The following TMEM132C variants were observed in gnomAD, a reference collection of about 807,000 sequenced individuals.
The protein encoded by TMEM132C is transmembrane protein 132C.
Under a neutral mutation model 61.4 loss-of-function variants are expected in TMEM132C, and 29 were observed. The ratio of observed to expected loss-of-function variants is 0.47; its 90% CI spans 0.35 to 0.64. The LOEUF is 0.64. TMEM132C is among the 30% of genes least tolerant of loss of function. The pLI is 0.00. For synonymous variants in TMEM132C, 656 were observed against 633.1 expected, an observed-to-expected ratio of 1.04 and a Z score of -0.54; for missense variants, 1,408 against 1,476.9, an observed-to-expected ratio of 0.95 and a Z score of 0.76.
chr12:128,677,315 G>A (rs73430719), intron 5 of TMEM132C, among the ~76,000 whole-genome samples: 4,309 of 152,226 alleles, frequency 0.028, 215 homozygotes, highest in African/African-American at 0.099. Flanking sequence ...GTACCATTCT[G>A]GTATGGGGGA....
chr12:128,536,254 T>C (rs10773552), intron 2 of TMEM132C, among the ~76,000 whole-genome samples: 96,121 of 151,942 alleles, frequency 0.63, 31,196 homozygotes, highest in African/African-American at 0.75. Context: ...ACATAGATGA[T>C]GCTGGAAACC....
In TMEM132C at chr12:128,273,045, C is replaced by T. The variant is rs115745732; in HGVS notation, c.85+5558C>T. 9.0e-3 allele frequency among the ~76,000 whole-genome samples: 1,375 copies of T among 152,244 alleles called. 18 individuals carry two copies. Among genetic ancestry groups the T allele is most frequent in the African/African-American group, 0.03 (1,267 of 41,552 alleles). ...TTTTTTGGTGTCACATCTAAGGAAGCTGTGCCTTACCCAAGGCCACAATGA... is the reference window on the plus strand; with the variant it reads ...TTTTTTGGTGTCACATCTAAGGAAGTTGTGCCTTACCCAAGGCCACAATGA... On this transcript the variant is annotated intron_variant, in intron 1 of 8. Coordinates refer to ENST00000435159, the MANE Select transcript of TMEM132C (RefSeq NM_001136103.3).
chr12:128,696,751 C>T (rs544347480), intron 7 of TMEM132C, among the ~76,000 whole-genome samples: 1 of 152,294 alleles, frequency 6.6e-6, no homozygotes, highest in South Asian at 2.1e-4. Flanking sequence ...CCCTGGACAT[C>T]TCAAGCCCAA....
intron 3 of TMEM132C, among the ~76,000 whole-genome samples, chr12:128,544,907 G>C (rs567966556): frequency 6.6e-6 from 1 of 152,240 alleles, no homozygotes; most frequent in Non-Finnish European, 1.5e-5. Flanking sequence ...CGGATTTAAC[G>C]TAACAGAAAC....
intron 1 of TMEM132C, among the ~76,000 whole-genome samples, chr12:128,357,146 T>A (rs1428642010): frequency 6.6e-6 from 1 of 152,106 alleles, no homozygotes; most frequent in Non-Finnish European, 1.5e-5. Context: ...TTGAATATAT[T>A]TAAATGAAGA....
intron 2 of TMEM132C, among the ~76,000 whole-genome samples, chr12:128,488,327 C>A (rs1001121687): frequency 2.6e-5 from 4 of 152,140 alleles, no homozygotes; most frequent in African/African-American, 9.7e-5. Context: ...TATTACCTGG[C>A]AAATTAACAT....
At chr12:128,539,534 C>T (rs1352208954) in intron 2 of TMEM132C, among the ~76,000 whole-genome samples, 1 of 152,178 alleles carries the variant, frequency 6.6e-6, no homozygotes, top group Non-Finnish European at 1.5e-5. Context: ...AGGGGAATCA[C>T]TTAAACCCGA....
intron 8 of TMEM132C, among the ~76,000 whole-genome samples, chr12:128,699,081 C>T (rs1954785709): frequency 1.3e-5 from 2 of 152,072 alleles, no homozygotes; most frequent in Admixed American, 1.3e-4. Context: ...GGACTGCAAA[C>T]TCAAATGCCT....
intron 2 of TMEM132C, among the ~76,000 whole-genome samples, chr12:128,469,712 ATGTG>A (rs1011101968): frequency 6.6e-6 from 1 of 150,492 alleles, no homozygotes; most frequent in South Asian, 2.1e-4. Flanking sequence ...ATATGCATTT[ATGTG>A]TGTGTGTATA....
chr12:128,470,081 T>A (rs1870896201), intron 2 of TMEM132C, among the ~76,000 whole-genome samples: 1 of 152,162 alleles, frequency 6.6e-6, no homozygotes, highest in Non-Finnish European at 1.5e-5. Context: ...CCTTATGACC[T>A]CTATTTGAAC....
chr12:128,639,183 G>C (rs908183572), intron 4 of TMEM132C, among the ~76,000 whole-genome samples: 1 of 130,130 alleles, frequency 7.7e-6, no homozygotes, highest in Non-Finnish European at 1.8e-5. Context: ...GATGATGGTG[G>C]TGATGGTGAT....
At chr12:128,537,644 A>G (rs11059745) in intron 2 of TMEM132C, among the ~76,000 whole-genome samples, 84,101 of 151,652 alleles carry the variant, frequency 0.55, 24,274 homozygotes, top group Non-Finnish European at 0.64. Flanking sequence ...GATTCGAGGA[A>G]GGTGTGACTA....
chr12:128,307,425 TG>T (rs1389180997), intron 1 of TMEM132C, among the ~76,000 whole-genome samples: 4 of 120,282 alleles, frequency 3.3e-5, no homozygotes, highest in Non-Finnish European at 7.7e-5. Flanking sequence ...TCTCCAGATT[TG>T]AAAAAAAAAA....
In TMEM132C at chr12:128,582,142, G is replaced by A. The variant is rs375812610; in HGVS notation, c.1122-34010G>A. Among the ~76,000 whole-genome samples the A allele has an allele frequency of 6.2e-4, 94 of 152,242 alleles. 1 individual carries two copies. In the South Asian group the frequency reaches 0.016, roughly 26 times the overall value. Reference sequence around the variant, plus strand: ...CATGTAACAGACAAGGAATAGTATCGAGAATAAGAAAAAGATAAATATAAC... The same window carrying A: ...CATGTAACAGACAAGGAATAGTATCAAGAATAAGAAAAAGATAAATATAAC... On this transcript the variant is annotated intron_variant, in intron 3 of 8. Transcript: ENST00000435159.
At chr12:128,679,030 C>G (rs1350104794) in intron 5 of TMEM132C, among the ~76,000 whole-genome samples, 1 of 152,166 alleles carries the variant, frequency 6.6e-6, no homozygotes, top group Middle Eastern at 3.2e-3. Context: ...GCCTCAGTGT[C>G]CTTATCTCAG....
chr12:128,651,427 G>A (rs183119907), intron 4 of TMEM132C, among the ~76,000 whole-genome samples: 5 of 152,284 alleles, frequency 3.3e-5, no homozygotes, highest in Admixed American at 1.3e-4. Flanking sequence ...CAAGGCCTTC[G>A]TCTTAAAGCG....
intron 2 of TMEM132C, among the ~76,000 whole-genome samples, chr12:128,439,791 C>T (rs1438207546): frequency 6.6e-6 from 1 of 152,016 alleles, no homozygotes; most frequent in East Asian, 1.9e-4. Context: ...TGACAGCATC[C>T]CCTACAGTAA....
intron 2 of TMEM132C, among the ~76,000 whole-genome samples, chr12:128,459,159 A>G (rs984448519): frequency 6.6e-5 from 10 of 152,344 alleles, no homozygotes; most frequent in African/African-American, 2.2e-4. Flanking sequence ...AATGGGGAAT[A>G]GTGGAGGCGG....
intron 8 of TMEM132C, among the ~76,000 whole-genome samples, chr12:128,699,551 C>T (rs1234851237): frequency 6.6e-6 from 1 of 152,212 alleles, no homozygotes; most frequent in African/African-American, 2.4e-5. Context: ...GGCTTCAACA[C>T]TAGGAACAAT....
Sources: gnomAD v4.1 joint callset for allele counts (sites outside exome capture counted in the v4.1 genomes callset) on GRCh38, gnomAD v4.1.1 for gene constraint, MANE v1.5 for transcripts, NCBI Gene and HGNC (gene_info 2026-07-23, HGNC 2026-07-21) for gene names.